The following NEDD9 variants were observed in gnomAD, a reference collection of about 807,000 sequenced individuals.
The protein encoded by NEDD9 is neural precursor cell expressed, developmentally down-regulated 9, also known as enhancer of filamentation 1.
Under a neutral mutation model 76.6 loss-of-function variants are expected in NEDD9, and 26 were observed. That is an observed-to-expected ratio of 0.34 (90% CI 0.25 to 0.47). The LOEUF (loss-of-function observed/expected upper bound fraction) is 0.47. Ranked by LOEUF, NEDD9 falls within the 20% of genes least tolerant of loss-of-function variation. The pLI, the probability that NEDD9 is intolerant of heterozygous loss-of-function variation, is 1.00. For missense variants in NEDD9, 937 were observed against 1,058.5 expected (o/e 0.89, Z 1.59); for synonymous variants, 392 against 414.2 (o/e 0.95, Z 0.65).
At chr6:11,368,213 A>G (rs929321435) in intron 1 of NEDD9, among the ~76,000 whole-genome samples, 3 of 152,254 alleles carry the variant, frequency 2.0e-5, no homozygotes, top group Non-Finnish European at 4.4e-5. Flanking sequence ...CAGAAACCCA[A>G]ACAGATGGAG....
chr6:11,355,999 G>A (rs1762567577), intron 1 of NEDD9, among the ~76,000 whole-genome samples: 2 of 152,114 alleles, frequency 1.3e-5, no homozygotes, highest in South Asian at 2.1e-4. Context: ...GGGATTGCAG[G>A]CGTGAGCCAC....
At chr6:11,189,381 G>A (rs543145758) in intron 5 of NEDD9, among the ~76,000 whole-genome samples, 1 of 152,268 alleles carries the variant, frequency 6.6e-6, no homozygotes, top group Admixed American at 6.5e-5. Flanking sequence ...AAGCTCCTAG[G>A]ACAGCTAGCT....
Position 11,184,342 on chromosome 6 carries a change from A to G in NEDD9, c.*820T>C, listed in dbSNP as rs1464664005. The G allele has an allele frequency of 6.6e-6, 1 of 152,186 alleles. No homozygotes were observed. The highest frequency in any genetic ancestry group is 1.5e-5 in the Non-Finnish European group (1 of 68,034). 9.4% of individuals were successfully genotyped at this position (152,186 alleles called of 1,614,324 possible). ...CTTTGCTGCAAATATGGTTTTTACA[A>G]CTCTAAAAACATCTTTTGGAAAACC... On this transcript the variant is annotated 3_prime_UTR_variant, in exon 7 of 7. Transcript: ENST00000379446.
chr6:11,219,093 G>A (rs912855758), intron 1 of NEDD9, among the ~76,000 whole-genome samples: 2 of 152,190 alleles, frequency 1.3e-5, no homozygotes, highest in African/African-American at 4.8e-5. Flanking sequence ...AGCTATGCCT[G>A]AGGAGTGGGA....
At chr6:11,219,427 T>C (rs1158489934) in intron 1 of NEDD9, among the ~76,000 whole-genome samples, 1 of 152,224 alleles carries the variant, frequency 6.6e-6, no homozygotes, top group Non-Finnish European at 1.5e-5. Context: ...CTTCATTCTA[T>C]ATTTGTCATG....
rs1030775560 is a variant in NEDD9, at chr6:11,213,094, C to G, written c.459+187G>C. On this transcript the variant is annotated intron_variant, in intron 2 of 6. Coordinates refer to ENST00000379446, the MANE Select transcript of NEDD9 (RefSeq NM_006403.4). This position sits in a 1 kb window ranked among gnomAD's most constrained non-coding sequence, Gnocchi z 5.4. ...CAACTGTACTCAGCACATGGTAGTT[C>G]AAAGAAGTTTTGCTGAATGATGGAT... 1.3e-5 allele frequency among the ~76,000 whole-genome samples: 2 copies of G among 152,148 alleles called. No homozygotes were observed. The highest frequency in any genetic ancestry group is 2.9e-5 in the Non-Finnish European group (2 of 68,040).
At chr6:11,374,044 ATC>A (rs748028297) in intron 1 of NEDD9, among the ~76,000 whole-genome samples, 1,568 of 150,728 alleles carry the variant, frequency 0.01, 12 homozygotes, top group Non-Finnish European at 0.015. Context: ...CATAAAATAA[ATC>A]TCTCTCTCTC....
chr6:11,190,254 G>T lies in NEDD9; in HGVS notation c.1615C>A (p.Pro539Thr), dbSNP rs765245025. 1 of 1,614,220 alleles carries T rather than the reference G, an allele frequency of 6.2e-7. No individual in the cohort carries two copies. Among genetic ancestry groups the T allele is most frequent in the Non-Finnish European group, 8.5e-7 (1 of 1,180,048 alleles). ...GTGGTGAGCTGCTTGGCGTCATCGG[G>T]CACCGTCTTTGCCACCATCACAAAC... is the stretch of plus-strand genomic sequence containing the variant. ...DRFVMVAKTV[P>T]DDAKQLTTTI... The change falls in exon 5 of 7, where the codon CCC (proline) becomes ACC (threonine). Residue 539 changes from proline (P) to threonine (T), a missense_variant. By Grantham distance (38) the Pro-to-Thr change is conservative. Coordinates refer to ENST00000379446, the MANE Select transcript of NEDD9 (RefSeq NM_006403.4). The surrounding 1 kb of genome is among the most constrained non-coding windows in gnomAD (Gnocchi z 5.8).
intron 1 of NEDD9, among the ~76,000 whole-genome samples, chr6:11,353,610 T>C (rs2048983735): frequency 6.6e-6 from 1 of 152,240 alleles, no homozygotes; most frequent in Admixed American, 6.5e-5. Context: ...ACCCAGTTTA[T>C]GGTACTTTGT....
intron 2 of NEDD9, among the ~76,000 whole-genome samples, chr6:11,327,929 C>A (rs1052677851): frequency 6.6e-6 from 1 of 152,242 alleles, no homozygotes; most frequent in East Asian, 1.9e-4. Flanking sequence ...TGTGCAACAG[C>A]TATCTCTTTG....
In NEDD9 at chr6:11,190,604, A is replaced by T. The variant is rs759866648; in HGVS notation, c.1265T>A (p.Met422Lys). Residue 422 changes from methionine to lysine, a missense_variant, in exon 5 of 7, where the codon ATG (methionine) becomes AAG (lysine). By Grantham distance (95) the Met-to-Lys change is moderately conservative. Coordinates refer to ENST00000379446, the MANE Select transcript of NEDD9 (RefSeq NM_006403.4). The surrounding 1 kb of genome is among the most constrained non-coding windows in gnomAD (Gnocchi z 5.8). ...CAGTGCCATTAGGCTGGAGACACCC[A>T]TCTCAAGGGCCTGCTGGAGCCGCTG... ...RLQRLQQALE[M>K]GVSSLMALVT... The T allele has an allele frequency of 6.2e-7, 1 of 1,614,038 alleles. No homozygotes were observed. Among genetic ancestry groups the T allele is most frequent in the South Asian group, 1.1e-5 (1 of 91,088 alleles).
intron 1 of NEDD9, among the ~76,000 whole-genome samples, chr6:11,345,703 A>G (rs1582041040): frequency 6.6e-6 from 1 of 152,192 alleles, no homozygotes; most frequent in Non-Finnish European, 1.5e-5. Flanking sequence ...TTTCACCCTC[A>G]TCAACACTGG....
chr6:11,261,709 A>G (rs1463470935), intron 3 of NEDD9, among the ~76,000 whole-genome samples: 1 of 152,238 alleles, frequency 6.6e-6, no homozygotes, highest in Non-Finnish European at 1.5e-5. Flanking sequence ...GATGCGGATC[A>G]TGGAAAATCC....
At chr6:11,189,672 C>T (rs1311468645) in intron 5 of NEDD9, among the ~76,000 whole-genome samples, 1 of 152,094 alleles carries the variant, frequency 6.6e-6, no homozygotes, top group Non-Finnish European at 1.5e-5. Context: ...GGGATCTAAT[C>T]CAACCCCTTA....
chr6:11,337,328 T>C, intron 1 of NEDD9, among the ~76,000 whole-genome samples: 1 of 152,356 alleles, frequency 6.6e-6, no homozygotes, highest in East Asian at 1.9e-4. Flanking sequence ...TTGTACACTC[T>C]AAAATAATGA....
chr6:11,374,640 T>C, intron 1 of NEDD9, among the ~76,000 whole-genome samples: 1 of 152,168 alleles, frequency 6.6e-6, no homozygotes. Flanking sequence ...AAAAGGTGAA[T>C]ATAAAAAATA....
At chr6:11,266,337 T>C (rs750346245) in intron 3 of NEDD9, among the ~76,000 whole-genome samples, 3 of 152,102 alleles carry the variant, frequency 2.0e-5, no homozygotes, top group Non-Finnish European at 4.4e-5. Context: ...GGGGGAGACA[T>C]AGTGCTATTG....
intron 1 of NEDD9, among the ~76,000 whole-genome samples, chr6:11,336,289 A>T (rs1364755151): frequency 1.3e-5 from 2 of 152,216 alleles, no homozygotes; most frequent in Non-Finnish European, 2.9e-5. Context: ...TTGTTAGATG[A>T]TTTTGTAATT....
intron 3 of NEDD9, chr6:11,305,318 C>T: frequency 2.6e-6 from 1 of 385,650 alleles, no homozygotes; most frequent in Non-Finnish European, 4.6e-6. Flanking sequence ...TCAAAAGGGT[C>T]AGGTCACTGG....
Sources: allele counts gnomAD v4.1 joint callset (sites outside exome capture counted in the v4.1 genomes callset), GRCh38; gene constraint gnomAD v4.1.1; non-coding constraint Gnocchi (gnomAD v3.1); transcripts MANE v1.5; gene names NCBI Gene and HGNC (gene_info 2026-07-23, HGNC 2026-07-21).